ZBTB7C: variants seen among roughly 807,000 people sequenced by gnomAD.
ZBTB7C encodes zinc finger and BTB domain-containing protein 7C.
ZBTB7C carries 8 observed loss-of-function variants against 25.7 expected under a neutral mutation model. The observed-to-expected ratio is 0.31, with a 90% CI of 0.18 to 0.56. The LOEUF (loss-of-function observed/expected upper bound fraction) is 0.56. Among genes scored for constraint, ZBTB7C ranks in the 20% least tolerant of loss-of-function variants. The probability of loss-of-function intolerance (pLI) is 0.91; values close to 1 mark genes in which losing one functional copy is unlikely to be tolerated. For synonymous variants in ZBTB7C, 394 were observed against 369.0 expected (o/e 1.07, Z -0.78); for missense variants, 824 against 855.2 (o/e 0.96, Z 0.46).
At chr18:48,033,164 T>C (rs1448661850) in intron 4 of ZBTB7C, among the ~76,000 whole-genome samples, 1 of 152,150 alleles carries the variant, frequency 6.6e-6, no homozygotes, top group Non-Finnish European at 1.5e-5. Flanking sequence ...CCAGGGCAGA[T>C]GGAGAGAATC....
At chr18:48,130,962 G>A (rs892821562) in intron 3 of ZBTB7C, among the ~76,000 whole-genome samples, 2 of 152,106 alleles carry the variant, frequency 1.3e-5, no homozygotes. Context: ...GGAGTGCAGT[G>A]GTCCCATCTC....
At chr18:48,398,416 TAGCCA>T (rs1180257996) in intron 1 of ZBTB7C, among the ~76,000 whole-genome samples, 1 of 152,072 alleles carries the variant, frequency 6.6e-6, no homozygotes, top group Non-Finnish European at 1.5e-5. Flanking sequence ...GACCTTGAGG[TAGCCA>T]AGTGAGACCA....
chr18:48,308,524 T>G (rs1054536746), intron 2 of ZBTB7C, among the ~76,000 whole-genome samples: 1 of 152,246 alleles, frequency 6.6e-6, no homozygotes, highest in Non-Finnish European at 1.5e-5. Context: ...ATTACTAGGC[T>G]GGGTCCTCTC....
At chr18:48,167,405 G>A (rs371891731) in intron 3 of ZBTB7C, among the ~76,000 whole-genome samples, 3 of 152,012 alleles carry the variant, frequency 2.0e-5, no homozygotes, top group South Asian at 2.1e-4. Context: ...TCTCTTTGGC[G>A]TTAACTGTTA....
Position 48,284,973 on chromosome 18 carries a change from C to T in ZBTB7C, c.-79+53201G>A, listed in dbSNP as rs540806506. On this transcript the variant is annotated intron_variant, in intron 2 of 4. Coordinates refer to ENST00000590800, the MANE Select transcript of ZBTB7C (RefSeq NM_001318841.2). ...TAAAGGCAGAGGAAGTTCTTTTTAT[C>T]ATTGAATTCTAGTTGCATGATGGTA... Among the ~76,000 whole-genome samples the T allele has an allele frequency of 5.9e-5, 9 of 152,232 alleles. No individual in the cohort carries two copies. The South Asian group carries it at 1.7e-3, about 28-fold the overall frequency.
intron 2 of ZBTB7C, among the ~76,000 whole-genome samples, chr18:48,205,822 C>T (rs1426345001): frequency 6.6e-6 from 1 of 152,078 alleles, no homozygotes; most frequent in East Asian, 1.9e-4. Context: ...CCTAGGGATC[C>T]CTGGCCATTA....
At chr18:48,228,777 G>A (rs1027829552) in intron 2 of ZBTB7C, among the ~76,000 whole-genome samples, 10 of 85,490 alleles carry the variant, frequency 1.2e-4, no homozygotes, top group South Asian at 3.7e-4. Context: ...ACACACACTC[G>A]TGCTCATACA....
intron 1 of ZBTB7C, among the ~76,000 whole-genome samples, chr18:48,389,155 C>A (rs1329135198): frequency 6.8e-6 from 1 of 147,784 alleles, no homozygotes; most frequent in Non-Finnish European, 1.5e-5. Context: ...CACATTCTGT[C>A]ATTTATTCAT....
At chr18:48,199,697 C>G (rs2042392939) in intron 2 of ZBTB7C, among the ~76,000 whole-genome samples, 1 of 151,670 alleles carries the variant, frequency 6.6e-6, no homozygotes, top group Non-Finnish European at 1.5e-5. Context: ...CTCTCTTTCT[C>G]TCTGTCTCCT....
Position 48,026,808 on chromosome 18 carries a change from C to G in ZBTB7C, c.*2452G>C, listed in dbSNP as rs911277324. On this transcript the variant is annotated 3_prime_UTR_variant, in exon 5 of 5. Coordinates refer to ENST00000590800, the MANE Select transcript of ZBTB7C (RefSeq NM_001318841.2). ...TTTATGACACCCAACAATTAAAAAC[C>G]TTAAGACTGGCTTGTTGCTGTCCTG... 3.3e-5 allele frequency: 5 copies of G among 151,330 alleles called. No homozygotes were observed. 9.4% of individuals were successfully genotyped at this position (151,330 alleles called of 1,614,324 possible).
At chr18:48,356,665 G>T (rs920487324) in intron 1 of ZBTB7C, among the ~76,000 whole-genome samples, 2 of 152,178 alleles carry the variant, frequency 1.3e-5, no homozygotes, top group East Asian at 3.9e-4. Context: ...GCGCCACTCT[G>T]GACTTACAGA....
At chr18:48,063,599 G>A (rs2037206721) in intron 3 of ZBTB7C, among the ~76,000 whole-genome samples, 1 of 152,228 alleles carries the variant, frequency 6.6e-6, no homozygotes, top group South Asian at 2.1e-4. Flanking sequence ...GGAGAGAAAG[G>A]AGGAGAGGTG....
chr18:48,341,341 C>T (rs992897746), intron 1 of ZBTB7C, among the ~76,000 whole-genome samples: 1 of 152,186 alleles, frequency 6.6e-6, no homozygotes, highest in Non-Finnish European at 1.5e-5. Context: ...CGGTCTCAGG[C>T]TGTAGGAGGC....
At chr18:48,397,101 G>A (rs1341569415) in intron 1 of ZBTB7C, among the ~76,000 whole-genome samples, 1 of 152,176 alleles carries the variant, frequency 6.6e-6, no homozygotes, top group African/African-American at 2.4e-5. Context: ...TTAGTACTTG[G>A]TATCAAGTGG....
chr18:48,063,387 T>G (rs1024941596), intron 3 of ZBTB7C, among the ~76,000 whole-genome samples: 2 of 152,250 alleles, frequency 1.3e-5, no homozygotes, highest in African/African-American at 4.8e-5. Context: ...CAGGGATTGC[T>G]TAACCTGGGC....
chr18:48,055,273 G>A (rs1161692637), intron 3 of ZBTB7C, among the ~76,000 whole-genome samples: 1 of 151,948 alleles, frequency 6.6e-6, no homozygotes, highest in African/African-American at 2.4e-5. Flanking sequence ...AGCTGGGCAT[G>A]GTGGCAGGTG....
intron 1 of ZBTB7C, among the ~76,000 whole-genome samples, chr18:48,359,266 G>T (rs1053388004): frequency 2.0e-5 from 3 of 152,126 alleles, no homozygotes; most frequent in African/African-American, 7.2e-5. Flanking sequence ...ATGAGAAGGA[G>T]AAATTTTTTC....
chr18:48,079,328 G>A (rs1568201128), intron 3 of ZBTB7C, among the ~76,000 whole-genome samples: 1 of 152,222 alleles, frequency 6.6e-6, no homozygotes, highest in African/African-American at 2.4e-5. Flanking sequence ...CTTGTACATA[G>A]TAGGCACCAG....
chr18:48,219,565 AGGT>A (rs2145287729), intron 2 of ZBTB7C, among the ~76,000 whole-genome samples: 1 of 152,358 alleles, frequency 6.6e-6, no homozygotes, highest in Admixed American at 6.5e-5. Context: ...CCTAGGCAGC[AGGT>A]GGCAGAGTTC....
Sources: allele counts gnomAD v4.1 joint callset (sites outside exome capture counted in the v4.1 genomes callset), GRCh38; gene constraint gnomAD v4.1.1; transcripts MANE v1.5; gene names NCBI Gene and HGNC (gene_info 2026-07-23, HGNC 2026-07-21).